IL1RAPL1: variants seen among roughly 807,000 people sequenced by gnomAD.
The protein encoded by IL1RAPL1 is interleukin 1 receptor accessory protein like 1.
In IL1RAPL1, 3 loss-of-function variants were observed where a neutral mutation model predicts 48.4. That is an observed-to-expected ratio of 0.06 (90% CI 0.03 to 0.16). The LOEUF (loss-of-function observed/expected upper bound fraction) is 0.16, where lower values mean the gene tolerates loss of function less well. Among genes scored for constraint, IL1RAPL1 ranks in the 10% least tolerant of loss-of-function variants. IL1RAPL1 has a pLI of 1.00. For missense variants in IL1RAPL1, 349 were observed against 530.6 expected (o/e 0.66, Z 3.36); for synonymous variants, 185 against 187.7 (o/e 0.99, Z 0.12).
chrX:29,246,705 A>G (rs1055440310), intron 2 of IL1RAPL1, among the ~76,000 whole-genome samples: 5 of 111,080 alleles, frequency 4.5e-5, no homozygotes, highest in African/African-American at 9.8e-5. Flanking sequence ...TCTCTCTTCT[A>G]TGTTGTTTAT....
intron 6 of IL1RAPL1, among the ~76,000 whole-genome samples, chrX:29,802,775 A>ATG (rs1929960594): frequency 2.0e-4 from 6 of 30,650 alleles, no homozygotes; most frequent in Admixed American, 3.8e-4. Context: ...ATATATATAT[A>ATG]TATATATGTG....
chrX:29,021,610 G>A (rs1926370941), intron 2 of IL1RAPL1, among the ~76,000 whole-genome samples: 2 of 111,910 alleles, frequency 1.8e-5, no homozygotes, highest in African/African-American at 6.5e-5. Context: ...TTTTGTCATA[G>A]AAAGATAAAT....
intron 2 of IL1RAPL1, among the ~76,000 whole-genome samples, chrX:28,792,717 G>T (rs1219185737): frequency 2.2e-5 from 2 of 91,938 alleles, no homozygotes; most frequent in Non-Finnish European, 4.2e-5. Context: ...GAACCCGGGA[G>T]GTGGAGCTCG....
At chrX:28,607,866 A>C (rs1398929742) in intron 1 of IL1RAPL1, among the ~76,000 whole-genome samples, 2 of 111,114 alleles carry the variant, frequency 1.8e-5, no homozygotes, top group Non-Finnish European at 3.8e-5. Flanking sequence ...TATGTTCACC[A>C]CGCACATAGC....
intron 2 of IL1RAPL1, among the ~76,000 whole-genome samples, chrX:28,801,116 G>A (rs745962971): frequency 7.6e-4 from 83 of 109,812 alleles, no homozygotes; most frequent in Non-Finnish European, 1.3e-3. Context: ...TCCTGACCTC[G>A]TAATCCGCCC....
chrX:28,983,748 T>TA (rs1925399073), intron 2 of IL1RAPL1, among the ~76,000 whole-genome samples: 1 of 111,970 alleles, frequency 8.9e-6, no homozygotes, highest in Admixed American at 9.5e-5. Flanking sequence ...TGACTATACT[T>TA]AAAAAAATTC....
chrX:29,702,119 G>A (rs1261828828), intron 6 of IL1RAPL1, among the ~76,000 whole-genome samples: 2 of 111,017 alleles, frequency 1.8e-5, no homozygotes, highest in African/African-American at 6.6e-5. Context: ...GCTGGGCGTG[G>A]TGGTGTACAC....
chrX:28,794,517 C>A (rs1404610540), intron 2 of IL1RAPL1, among the ~76,000 whole-genome samples: 1 of 111,288 alleles, frequency 9.0e-6, no homozygotes, highest in East Asian at 2.8e-4. Context: ...GCTGCATTAC[C>A]AAAAAGCACG....
At chrX:29,615,184 T>C (rs2147070907) in intron 5 of IL1RAPL1, among the ~76,000 whole-genome samples, 1 of 112,021 alleles carries the variant, frequency 8.9e-6, no homozygotes, top group South Asian at 3.7e-4. Flanking sequence ...CTCTTCTAAA[T>C]GTGAGTATCA....
chrX:29,665,962 G>A (rs1355305566), intron 5 of IL1RAPL1, among the ~76,000 whole-genome samples: 2 of 111,340 alleles, frequency 1.8e-5, no homozygotes, highest in Non-Finnish European at 3.8e-5. Context: ...ACATAACAAA[G>A]AATGGGGAGG....
At chrX:28,724,670 G>C (rs1935640599) in intron 1 of IL1RAPL1, among the ~76,000 whole-genome samples, 1 of 110,730 alleles carries the variant, frequency 9.0e-6, no homozygotes, top group African/African-American at 3.3e-5. Context: ...CTTGTTAGTG[G>C]GTGCGGTTTC....
intron 1 of IL1RAPL1, among the ~76,000 whole-genome samples, chrX:28,622,232 T>C (rs1264217913): frequency 8.9e-6 from 1 of 112,107 alleles, no homozygotes; most frequent in Non-Finnish European, 1.9e-5. Flanking sequence ...CCAATCTCCC[T>C]AACATATTTT....
chrX:29,757,430 A>G (rs1300997182), intron 6 of IL1RAPL1, among the ~76,000 whole-genome samples: 1 of 112,023 alleles, frequency 8.9e-6, no homozygotes, highest in Non-Finnish European at 1.9e-5. Context: ...CTGTTCCTCC[A>G]TGAAATTTCT....
chrX:29,260,164 T>A (rs1931827431), intron 2 of IL1RAPL1, among the ~76,000 whole-genome samples: 2 of 112,509 alleles, frequency 1.8e-5, no homozygotes, highest in African/African-American at 6.4e-5. Context: ...TGGGGATAAT[T>A]TATTTTACCA....
chrX:29,341,712 TAGTG>T (rs1429892023), intron 3 of IL1RAPL1, among the ~76,000 whole-genome samples: 1 of 111,625 alleles, frequency 9.0e-6, no homozygotes, highest in Non-Finnish European at 1.9e-5. Flanking sequence ...TGAATGAAAA[TAGTG>T]AGTACATTGA....
At chrX:29,878,355 T>G (rs1463761924) in intron 6 of IL1RAPL1, among the ~76,000 whole-genome samples, 1 of 112,293 alleles carries the variant, frequency 8.9e-6, no homozygotes, top group African/African-American at 3.2e-5. Context: ...TTGCTTTCTT[T>G]ATTGGGAACT....
chrX:29,046,943 C>T (rs910789235), intron 2 of IL1RAPL1, among the ~76,000 whole-genome samples: 2 of 111,585 alleles, frequency 1.8e-5, no homozygotes, highest in Non-Finnish European at 3.8e-5. Context: ...CTTCAGTTTA[C>T]AAAACCCACC....
intron 5 of IL1RAPL1, among the ~76,000 whole-genome samples, chrX:29,486,312 A>G (rs1935094297): frequency 9.1e-6 from 1 of 110,232 alleles, no homozygotes; most frequent in African/African-American, 3.3e-5. Flanking sequence ...TGGGCTCCTC[A>G]GTGTTAAAAA....
At chrX:29,920,755 A>C (rs1462422445) in intron 8 of IL1RAPL1, among the ~76,000 whole-genome samples, 4 of 94,170 alleles carry the variant, frequency 4.2e-5, no homozygotes, top group African/African-American at 1.6e-4. Context: ...AGATTGCGCC[A>C]TTGCACTCCA....
Sources: gnomAD v4.1 joint callset for allele counts (sites outside exome capture counted in the v4.1 genomes callset) on GRCh38, gnomAD v4.1.1 for gene constraint, MANE v1.5 for transcripts, NCBI Gene and HGNC (gene_info 2026-07-23, HGNC 2026-07-21) for gene names.